G3BP1: variants seen among roughly 807,000 people sequenced by gnomAD.
The protein encoded by G3BP1 is G3BP stress granule assembly factor 1, also known as ras GTPase-activating protein-binding protein 1.
In G3BP1, 35 loss-of-function variants were observed where a neutral mutation model predicts 58.6. That is an observed-to-expected ratio of 0.60 (90% CI 0.46 to 0.79). G3BP1 has a LOEUF of 0.79. G3BP1 is among the 30% of genes least tolerant of loss of function. The pLI, the probability that G3BP1 is intolerant of heterozygous loss-of-function variation, is 0.00. For synonymous variants in G3BP1, 191 were observed against 195.4 expected (o/e 0.98, Z 0.19); for missense variants, 523 against 580.8 (o/e 0.90, Z 1.02).
chr5:151,794,974 T>TCTTAA (rs1289908460), intron 5 of G3BP1, among the ~76,000 whole-genome samples: 17 of 152,308 alleles, frequency 1.1e-4, no homozygotes, highest in African/African-American at 4.1e-4. Context: ...GACACTACAG[T>TCTTAA]AGCCTTAAAG....
chr5:151,797,765 A>G (rs2113245088), intron 7 of G3BP1, among the ~76,000 whole-genome samples: 1 of 152,368 alleles, frequency 6.6e-6, no homozygotes, highest in East Asian at 1.9e-4. Context: ...ACTTGTTACT[A>G]CAAGTGCATA....
intron 1 of G3BP1, among the ~76,000 whole-genome samples, chr5:151,781,155 C>T (rs530676078): frequency 1.3e-4 from 20 of 152,232 alleles, no homozygotes; most frequent in African/African-American, 4.6e-4. Flanking sequence ...TTATTTACTA[C>T]TGTAAAATAT....
chr5:151,779,625 AT>A (rs1561530719), intron 1 of G3BP1, among the ~76,000 whole-genome samples: 1 of 152,042 alleles, frequency 6.6e-6, no homozygotes, highest in Admixed American at 6.5e-5. Flanking sequence ...TTGGCAACTG[AT>A]TTTTCTTTTT....
Position 151,811,408 on chromosome 5 carries a change from G to C in G3BP1, c.*7317G>C, listed in dbSNP as rs1763017416. The C allele has an allele frequency of 1.3e-5, 2 of 152,122 alleles. No individual in the cohort carries two copies. The highest frequency in any genetic ancestry group is 4.8e-5 in the African/African-American group (2 of 41,414). 9.4% of individuals were successfully genotyped at this position (152,122 alleles called of 1,614,324 possible). Reference sequence around the variant, plus strand: ...CTTGTCTAAAGTGAGATGTTTTCCAGGTCATACATAGGTTTCTCCCTGGGG... The same window carrying C: ...CTTGTCTAAAGTGAGATGTTTTCCACGTCATACATAGGTTTCTCCCTGGGG... On this transcript the variant is annotated 3_prime_UTR_variant, in exon 12 of 12. Transcript: ENST00000356245.
chr5:151,787,621 A>G (rs1038060642), intron 2 of G3BP1: 2 of 183,292 alleles, frequency 1.1e-5, no homozygotes, highest in Admixed American at 6.0e-5. Flanking sequence ...TGATGGATCT[A>G]TAGATTGCTT....
chr5:151,775,550 A>T (rs978021678), intron 1 of G3BP1, among the ~76,000 whole-genome samples: 4 of 152,236 alleles, frequency 2.6e-5, no homozygotes, highest in Non-Finnish European at 5.9e-5. Flanking sequence ...TGAATGTGAC[A>T]CCTGCCTGCC....
At chr5:151,780,442 T>TG (rs1762447339) in intron 1 of G3BP1, among the ~76,000 whole-genome samples, 1 of 152,156 alleles carries the variant, frequency 6.6e-6, no homozygotes, top group African/African-American at 2.4e-5. Context: ...AAAATGCAGG[T>TG]GGAGTATGGG....
intron 1 of G3BP1, among the ~76,000 whole-genome samples, chr5:151,777,141 ATACTTT>A (rs1762385739): frequency 6.6e-6 from 1 of 152,128 alleles, no homozygotes; most frequent in African/African-American, 2.4e-5. Context: ...AGTGATGTTG[ATACTTT>A]TCTTGCTCTG....
chr5:151,792,958 A>G (rs1762685026), intron 4 of G3BP1, among the ~76,000 whole-genome samples: 1 of 152,102 alleles, frequency 6.6e-6, no homozygotes, highest in Non-Finnish European at 1.5e-5. Flanking sequence ...TAGAAACTGA[A>G]TAACTCATAA....
intron 1 of G3BP1, chr5:151,772,541 AAG>A (rs1762289256): frequency 1.3e-5 from 2 of 152,484 alleles, no homozygotes; most frequent in Admixed American, 6.5e-5. Flanking sequence ...GCAGAGAGCA[AAG>A]AGGGAGCAGC....
intron 2 of G3BP1, 191 bp downstream of exon 2, chr5:151,786,906 G>A (rs534391159): frequency 1.6e-4 from 71 of 437,010 alleles, no homozygotes; most frequent in Non-Finnish European, 2.8e-4. Flanking sequence ...GCAGTGGTGC[G>A]ATCTGGACTG....
intron 2 of G3BP1, chr5:151,787,145 C>T (rs1228052947): frequency 6.6e-6 from 1 of 152,670 alleles, no homozygotes; most frequent in Non-Finnish European, 1.5e-5. Flanking sequence ...AGGCGTGAGC[C>T]ACTGCGCCTA....
intron 4 of G3BP1, chr5:151,791,926 T>G (rs1473923655): frequency 2.8e-6 from 1 of 360,130 alleles, no homozygotes; most frequent in African/African-American, 2.1e-5. Context: ...GAAAGTGGGA[T>G]TACAGGTGTG....
intron 1 of G3BP1, 38 bp downstream of exon 1, chr5:151,772,074 A>T (rs1762268558): frequency 1.3e-5 from 2 of 152,536 alleles, no homozygotes; most frequent in African/African-American, 4.8e-5. Flanking sequence ...AGGCCAGAGG[A>T]CTAAGCCGAG....
At chr5:151,795,300 G>A (rs1762730870) in intron 5 of G3BP1, among the ~76,000 whole-genome samples, 179 bp from the exon 6 acceptor site, 1 of 152,040 alleles carries the variant, frequency 6.6e-6, no homozygotes, top group African/African-American at 2.4e-5. Context: ...ACAAAAAAAA[G>A]TCTGTTCTTC....
Position 151,808,877 on chromosome 5 carries a change from A to G in G3BP1, c.*4786A>G. On this transcript the variant is annotated 3_prime_UTR_variant, in exon 12 of 12. Coordinates refer to ENST00000356245, the MANE Select transcript of G3BP1 (RefSeq NM_005754.3). ...ATAGAAACAGTTTTAACTATTGCTG[A>G]AGTTAAAATCACTTTGGGGTGGGGT... 1 of 152,228 alleles carries G rather than the reference A, an allele frequency of 6.6e-6. No individual in the cohort carries two copies. The highest frequency in any genetic ancestry group is 2.4e-5 in the African/African-American group (1 of 41,468). 9.4% of individuals were successfully genotyped at this position (152,228 alleles called of 1,614,324 possible). A position where few individuals can be genotyped will look rare whatever the true frequency, so the allele number is the denominator to read the frequency against.
intron 1 of G3BP1, among the ~76,000 whole-genome samples, chr5:151,776,112 TGTCA>T (rs1762365143): frequency 1.3e-5 from 2 of 152,232 alleles, no homozygotes; most frequent in African/African-American, 4.8e-5. Context: ...TCCTGATCTG[TGTCA>T]GTTTCTGTCT....
chr5:151,797,437 C>G lies in G3BP1; in HGVS notation c.741+9C>G. The G allele has an allele frequency of 1.3e-6, 2 of 1,594,212 alleles. No homozygotes were observed. Among genetic ancestry groups the G allele is most frequent in the Non-Finnish European group, 1.7e-6 (2 of 1,168,146 alleles). On this transcript the variant is annotated intron_variant, in intron 7 of 11. Coordinates refer to ENST00000356245, the MANE Select transcript of G3BP1 (RefSeq NM_005754.3). ...TACAGGAAGACTTGAGGGTATGAAA[C>G]GTGTCTTCATTTTTATTCTATTCCT...
intron 6 of G3BP1, among the ~76,000 whole-genome samples, chr5:151,796,679 T>C (rs1261080071): frequency 6.6e-6 from 1 of 152,248 alleles, no homozygotes; most frequent in Non-Finnish European, 1.5e-5. Flanking sequence ...TTTTGTGTGT[T>C]TGTGTTAAAA....
Sources: gnomAD v4.1 joint callset for allele counts (sites outside exome capture counted in the v4.1 genomes callset) on GRCh38, gnomAD v4.1.1 for gene constraint, MANE v1.5 for transcripts, NCBI Gene and HGNC (gene_info 2026-07-23, HGNC 2026-07-21) for gene names.